SYNGR1: variants seen among roughly 807,000 people sequenced by gnomAD.
The protein encoded by SYNGR1 is synaptogyrin-1.
SYNGR1 carries 14 observed loss-of-function variants against 26.1 expected under a neutral mutation model. That is an observed-to-expected ratio of 0.54 (90% CI 0.35 to 0.84). SYNGR1 has a LOEUF of 0.84. Among genes scored for constraint, SYNGR1 ranks in the 40% least tolerant of loss-of-function variants. SYNGR1 has a pLI of 0.01. For missense variants in SYNGR1, 319 were observed against 332.9 expected, an observed-to-expected ratio of 0.96 and a Z score of 0.33; for synonymous variants, 141 against 150.1, an observed-to-expected ratio of 0.94 and a Z score of 0.44.
intron 1 of SYNGR1, among the ~76,000 whole-genome samples, chr22:39,365,481 GC>G (rs1355955168): frequency 6.6e-6 from 1 of 152,178 alleles, no homozygotes. Flanking sequence ...CACACAGCAG[GC>G]CCTGGGCAAG....
At chr22:39,358,438 AT>A (rs1051909671) in intron 1 of SYNGR1, among the ~76,000 whole-genome samples, 5 of 152,112 alleles carry the variant, frequency 3.3e-5, no homozygotes, top group African/African-American at 4.8e-5. Context: ...GTTGCGATAA[AT>A]TTTGCTACTG....
At position 39,372,912 on chromosome 22, in the gene SYNGR1, T is replaced by C. The variant is rs142776072; in HGVS notation, c.100-1404T>C. ...GCCATGCAGTCTTTCCAAAGGGTAG[T>C]CCAAAACACAACAGCTTTCATCAGA... On this transcript the variant is annotated intron_variant, in intron 1 of 3. Coordinates refer to ENST00000328933, the MANE Select transcript of SYNGR1 (RefSeq NM_004711.5). Among the ~76,000 whole-genome samples, 1,141 of 152,146 alleles carry C rather than the reference T, an allele frequency of 7.5e-3. 21 individuals carry two copies. Among genetic ancestry groups the C allele is most frequent in the African/African-American group, 0.026 (1,081 of 41,506 alleles).
intron 3 of SYNGR1, among the ~76,000 whole-genome samples, chr22:39,380,960 C>T (rs983779517): frequency 1.3e-5 from 2 of 152,002 alleles, no homozygotes; most frequent in Admixed American, 1.3e-4. Context: ...GTTATTGTGC[C>T]TGCTGTTTTT....
In SYNGR1 at chr22:39,366,827, C is replaced by T. The variant is rs778354432; in HGVS notation, c.100-7489C>T. 8.5e-5 allele frequency among the ~76,000 whole-genome samples: 13 copies of T among 152,166 alleles called. No homozygotes were observed. The South Asian group carries it at 1.9e-3, about 22-fold the overall frequency. ...GGTCTGATTCTTCTCAAACCTAAGT[C>T]GCATCAAGTCACTCAGCTGCTCTTC... On this transcript the variant is annotated intron_variant, in intron 1 of 3. Transcript: ENST00000328933.
intron 3 of SYNGR1, chr22:39,376,876 G>A (rs1925307520): frequency 1.4e-6 from 2 of 1,454,300 alleles, no homozygotes; most frequent in Non-Finnish European, 1.8e-6. Context: ...AGTTTATTCA[G>A]GTTTAAACAA....
At chr22:39,357,943 G>A (rs575262777) in intron 1 of SYNGR1, among the ~76,000 whole-genome samples, 1 of 152,238 alleles carries the variant, frequency 6.6e-6, no homozygotes, top group Non-Finnish European at 1.5e-5. Flanking sequence ...CCTGCTCCAC[G>A]GCGCCTAGTC....
intron 3 of SYNGR1, 124 bp from the exon 4 acceptor site, chr22:39,381,572 G>A (rs1601669445): frequency 1.0e-6 from 1 of 967,158 alleles, no homozygotes; most frequent in South Asian, 1.4e-5. Flanking sequence ...GGTGCTTTGA[G>A]GATCTTTAAC....
At chr22:39,380,173 A>AC (rs1483384998) in intron 3 of SYNGR1, among the ~76,000 whole-genome samples, 10 of 151,710 alleles carry the variant, frequency 6.6e-5, no homozygotes, top group East Asian at 1.9e-4. Context: ...GAAAAAAAAA[A>AC]AAAAAACGGG....
chr22:39,357,181 G>A (rs902605459), intron 1 of SYNGR1, among the ~76,000 whole-genome samples: 2 of 151,916 alleles, frequency 1.3e-5, no homozygotes, highest in Non-Finnish European at 2.9e-5. Context: ...CACGAGAATC[G>A]CCTGAACCCA....
chr22:39,380,327 T>C (rs1025936193), intron 3 of SYNGR1, among the ~76,000 whole-genome samples: 2 of 152,092 alleles, frequency 1.3e-5, no homozygotes, highest in Non-Finnish European at 2.9e-5. Context: ...CAGATAACAG[T>C]GATTTCAACA....
At chr22:39,361,591 C>T (rs1414235094) in intron 1 of SYNGR1, among the ~76,000 whole-genome samples, 1 of 151,394 alleles carries the variant, frequency 6.6e-6, no homozygotes, top group African/African-American at 2.4e-5. Context: ...AACTCCTGAC[C>T]TCAAGTCATC....
intron 1 of SYNGR1, among the ~76,000 whole-genome samples, chr22:39,363,844 G>A (rs973696898): frequency 6.6e-5 from 10 of 152,146 alleles, no homozygotes; most frequent in African/African-American, 4.8e-5. Flanking sequence ...ATGTTCCTGC[G>A]CAGGGCGAGG....
At chr22:39,354,021 G>C (rs908656508) in intron 1 of SYNGR1, among the ~76,000 whole-genome samples, 15 of 152,130 alleles carry the variant, frequency 9.9e-5, no homozygotes, top group African/African-American at 3.6e-4. Context: ...CCACCACCAT[G>C]CCCAGCTACT....
At chr22:39,376,249 GC>G in intron 3 of SYNGR1, 52 bp downstream of exon 3, 1 of 1,613,118 alleles carries the variant, frequency 6.2e-7, no homozygotes, top group South Asian at 1.1e-5. Flanking sequence ...TCCCCACTGA[GC>G]CCCTGGATGG....
At chr22:39,355,821 C>G (rs1924119356) in intron 1 of SYNGR1, among the ~76,000 whole-genome samples, 1 of 152,116 alleles carries the variant, frequency 6.6e-6, no homozygotes, top group Non-Finnish European at 1.5e-5. Flanking sequence ...AGTTCGAGAC[C>G]AGCCTGGCCA....
At chr22:39,362,423 G>A (rs1330320816) in intron 1 of SYNGR1, among the ~76,000 whole-genome samples, 4 of 151,966 alleles carry the variant, frequency 2.6e-5, no homozygotes, top group Non-Finnish European at 4.4e-5. Context: ...AGGCGGGGTG[G>A]GGGAGGGGCC....
At chr22:39,362,701 T>C (rs1924539115) in intron 1 of SYNGR1, among the ~76,000 whole-genome samples, 2 of 151,988 alleles carry the variant, frequency 1.3e-5, no homozygotes, top group South Asian at 2.1e-4. Flanking sequence ...GAAGGCTGGG[T>C]TCAGCTTGTG....
chr22:39,374,712 G>A, intron 2 of SYNGR1, 159 bp downstream of exon 2: 2 of 795,774 alleles, frequency 2.5e-6, no homozygotes, highest in Non-Finnish European at 2.1e-6. Flanking sequence ...GCAGCAGGAA[G>A]GATGGGACCA....
At chr22:39,365,116 T>C (rs1167938934) in intron 1 of SYNGR1, among the ~76,000 whole-genome samples, 1 of 152,216 alleles carries the variant, frequency 6.6e-6, no homozygotes, top group African/African-American at 2.4e-5. Context: ...CCTCTGGCTC[T>C]GCCTCTGAAG....
Sources: allele counts gnomAD v4.1 joint callset (sites outside exome capture counted in the v4.1 genomes callset), GRCh38; gene constraint gnomAD v4.1.1; transcripts MANE v1.5; gene names NCBI Gene and HGNC (gene_info 2026-07-23, HGNC 2026-07-21).